The following KIRREL1 variants were observed in gnomAD, a reference collection of about 807,000 sequenced individuals.
The protein encoded by KIRREL1 is kin of IRRE-like protein 1.
KIRREL1 carries 25 observed loss-of-function variants against 83.3 expected under a neutral mutation model. The observed-to-expected ratio is 0.30, with a 90% confidence interval of 0.22 to 0.42. KIRREL1 has a LOEUF of 0.42. Among genes scored for constraint, KIRREL1 ranks in the 10% least tolerant of loss-of-function variants. The pLI, the probability that KIRREL1 is intolerant of heterozygous loss-of-function variation, is 1.00. For synonymous variants in KIRREL1, 388 were observed against 410.4 expected, an observed-to-expected ratio of 0.95 and a Z score of 0.66; for missense variants, 812 against 1,032.3, an observed-to-expected ratio of 0.79 and a Z score of 2.92.
intron 1 of KIRREL1, among the ~76,000 whole-genome samples, chr1:158,064,009 G>A (rs147637319): frequency 7.9e-4 from 120 of 152,338 alleles, no homozygotes; most frequent in Non-Finnish European, 1.4e-3. Flanking sequence ...TTTATTACAT[G>A]AATAGATGTA....
intron 1 of KIRREL1, among the ~76,000 whole-genome samples, chr1:158,054,414 A>T (rs999663430): frequency 2.6e-5 from 4 of 151,928 alleles, no homozygotes; most frequent in Non-Finnish European, 5.9e-5. Flanking sequence ...CTATTATTTA[A>T]TTTTTTATTA....
chr1:158,021,157 G>T (rs765951435), intron 1 of KIRREL1, among the ~76,000 whole-genome samples: 1 of 152,020 alleles, frequency 6.6e-6, no homozygotes, highest in African/African-American at 2.4e-5. Context: ...AAAAAATGCC[G>T]TATCCTAGGG....
At chr1:158,084,167 G>A (rs1302213936) in intron 3 of KIRREL1, among the ~76,000 whole-genome samples, 1 of 152,088 alleles carries the variant, frequency 6.6e-6, no homozygotes, top group African/African-American at 2.4e-5. Context: ...ACCAGTAGGG[G>A]CATGGAGTAC....
At chr1:158,079,814 A>G (rs1458656414) in intron 3 of KIRREL1, among the ~76,000 whole-genome samples, 1 of 152,184 alleles carries the variant, frequency 6.6e-6, no homozygotes, top group East Asian at 1.9e-4. Context: ...GCATAATGAC[A>G]CCAGCCTTTT....
chr1:158,036,848 T>C (rs1217785153), intron 1 of KIRREL1, among the ~76,000 whole-genome samples: 1 of 152,032 alleles, frequency 6.6e-6, no homozygotes, highest in Non-Finnish European at 1.5e-5. Context: ...GAAGAAAGAC[T>C]GGGAGAGCAG....
chr1:158,028,276 G>A (rs1660227327), intron 1 of KIRREL1, among the ~76,000 whole-genome samples: 1 of 152,190 alleles, frequency 6.6e-6, no homozygotes, highest in African/African-American at 2.4e-5. Context: ...GGTCCTCAGG[G>A]TGTACCTTTG....
chr1:158,010,586 T>G (rs370386317), intron 1 of KIRREL1, among the ~76,000 whole-genome samples: 8 of 152,244 alleles, frequency 5.3e-5, no homozygotes, highest in African/African-American at 1.9e-4. Context: ...CCCTGAACTT[T>G]AGCTTTGGTC....
intron 1 of KIRREL1, among the ~76,000 whole-genome samples, chr1:158,073,390 GT>G (rs1472631177): frequency 2.0e-5 from 3 of 152,162 alleles, no homozygotes; most frequent in Non-Finnish European, 4.4e-5. Context: ...TTGTCTAACT[GT>G]TCAGGAGAAA....
At chr1:158,051,348 A>G (rs1660905531) in intron 1 of KIRREL1, among the ~76,000 whole-genome samples, 1 of 152,238 alleles carries the variant, frequency 6.6e-6, no homozygotes, top group Admixed American at 6.5e-5. Flanking sequence ...TCTATCATCT[A>G]TAATGACAGA....
chr1:158,080,923 G>GATAAATATTTGTTTAT (rs1558014141), intron 3 of KIRREL1, among the ~76,000 whole-genome samples: 1 of 146,996 alleles, frequency 6.8e-6, no homozygotes, highest in Non-Finnish European at 1.5e-5. Flanking sequence ...CAGAGACTAG[G>GATAAATATTTGTTTAT]CAGGGCAGAA....
Position 158,076,274 on chromosome 1 carries a change from G to A in KIRREL1, c.202+12G>A, listed in dbSNP as rs777557454. The A allele has an allele frequency of 1.2e-6, 2 of 1,612,832 alleles. No individual in the cohort carries two copies. Among genetic ancestry groups the A allele is most frequent in the Non-Finnish European group, 1.7e-6 (2 of 1,179,250 alleles). On this transcript the variant is annotated intron_variant, in intron 2 of 14. Coordinates refer to ENST00000359209, the MANE Select transcript of KIRREL1 (RefSeq NM_018240.7). ...CCAGGGCCTCAAAGGTGAGTGCCTG[G>A]CTACCCAACGTCCAAACTGTCCCAT...
At chr1:158,020,507 T>C (rs1353776878) in intron 1 of KIRREL1, among the ~76,000 whole-genome samples, 1 of 149,082 alleles carries the variant, frequency 6.7e-6, no homozygotes, top group East Asian at 2.0e-4. Context: ...TAATGCTACT[T>C]GTGGATAGGG....
intron 1 of KIRREL1, among the ~76,000 whole-genome samples, chr1:158,022,888 C>T (rs779253279): frequency 2.0e-5 from 3 of 152,184 alleles, no homozygotes; most frequent in Non-Finnish European, 4.4e-5. Context: ...CACACTCTTA[C>T]CTGTGTATAC....
In KIRREL1 at chr1:158,093,248, T is replaced by C; in HGVS notation, c.1472-91T>C. The C allele has an allele frequency of 4.8e-6, 5 of 1,039,908 alleles. 1 individual carries two copies. The highest frequency in any genetic ancestry group is 2.1e-4 in the Middle Eastern group (1 of 4,818). 64.4% of individuals were successfully genotyped at this position (1,039,908 alleles called of 1,614,324 possible). A position where few individuals can be genotyped will look rare whatever the true frequency, so the allele number is the denominator to read the frequency against. ...CCTGTACACAAGCCAAGGTTGCCTCTGTGGCTGTGGCCTAGCCTTTAGCCA... is the reference window on the plus strand; with the variant it reads ...CCTGTACACAAGCCAAGGTTGCCTCCGTGGCTGTGGCCTAGCCTTTAGCCA... On this transcript the variant is annotated intron_variant, in intron 11 of 14. Coordinates refer to ENST00000359209, the MANE Select transcript of KIRREL1 (RefSeq NM_018240.7).
At position 158,005,441 on chromosome 1, in the gene KIRREL1, C is replaced by T. The variant is rs186667154; in HGVS notation, c.52+11713C>T. 6.8e-4 allele frequency among the ~76,000 whole-genome samples: 103 copies of T among 152,210 alleles called. 1 individual carries two copies. The highest frequency in any genetic ancestry group is 3.4e-3 in the Middle Eastern group (1 of 294). Reference sequence around the variant, plus strand: ...CCTCACTAGCTCCATGCCACCCACCCCACCCTGCCAAGTCTTCACTCAGGC... The same window carrying T: ...CCTCACTAGCTCCATGCCACCCACCTCACCCTGCCAAGTCTTCACTCAGGC... On this transcript the variant is annotated intron_variant, in intron 1 of 14. Coordinates refer to ENST00000359209, the MANE Select transcript of KIRREL1 (RefSeq NM_018240.7).
chr1:158,037,363 C>T (rs1370742413), intron 1 of KIRREL1, among the ~76,000 whole-genome samples: 1 of 152,014 alleles, frequency 6.6e-6, no homozygotes, highest in Non-Finnish European at 1.5e-5. Flanking sequence ...CGTGGTGGCA[C>T]ATGCCTGTAG....
At chr1:158,075,784 C>G (rs1456312609) in intron 1 of KIRREL1, among the ~76,000 whole-genome samples, 2 of 152,194 alleles carry the variant, frequency 1.3e-5, no homozygotes, top group East Asian at 1.9e-4. Flanking sequence ...TTACTGTCCT[C>G]CCTGGAAGTC....
intron 1 of KIRREL1, among the ~76,000 whole-genome samples, chr1:158,019,967 G>A: frequency 6.6e-6 from 1 of 152,088 alleles, no homozygotes; most frequent in East Asian, 1.9e-4. Flanking sequence ...CTGTGGCCCG[G>A]GATAAGCATT....
chr1:158,040,211 A>C (rs1365324195), intron 1 of KIRREL1, among the ~76,000 whole-genome samples: 1 of 152,208 alleles, frequency 6.6e-6, no homozygotes, highest in African/African-American at 2.4e-5. Flanking sequence ...TGAGACCCTT[A>C]TGTAAGACCA....
Sources: allele counts gnomAD v4.1 joint callset (sites outside exome capture counted in the v4.1 genomes callset), GRCh38; gene constraint gnomAD v4.1.1; transcripts MANE v1.5; gene names NCBI Gene and HGNC (gene_info 2026-07-23, HGNC 2026-07-21).